GRM5: variants seen among roughly 807,000 people sequenced by gnomAD.
GRM5 encodes the protein metabotropic glutamate receptor 5.
In GRM5, 19 loss-of-function variants were observed where a neutral mutation model predicts 83.1. That is an observed-to-expected ratio of 0.23 (90% CI 0.16 to 0.34). The LOEUF (loss-of-function observed/expected upper bound fraction) is 0.34. Ranked by LOEUF, GRM5 falls within the 10% of genes least tolerant of loss-of-function variation. The pLI, the probability that GRM5 is intolerant of heterozygous loss-of-function variation, is 1.00. For missense variants in GRM5, 1,160 were observed against 1,588.3 expected, an observed-to-expected ratio of 0.73 and a Z score of 4.58; for synonymous variants, 675 against 633.6, an observed-to-expected ratio of 1.07 and a Z score of -0.98.
At chr11:88,800,200 AG>A (rs1212523816) in intron 3 of GRM5, among the ~76,000 whole-genome samples, 1 of 152,172 alleles carries the variant, frequency 6.6e-6, no homozygotes, top group East Asian at 1.9e-4. Flanking sequence ...GCTTAAAAGG[AG>A]GGCAAATTGC....
At chr11:88,863,805 C>T (rs531729797) in intron 2 of GRM5, among the ~76,000 whole-genome samples, 4 of 151,768 alleles carry the variant, frequency 2.6e-5, no homozygotes, top group African/African-American at 7.3e-5. Flanking sequence ...TTTAACATTT[C>T]TCTTACAATT....
intron 2 of GRM5, among the ~76,000 whole-genome samples, chr11:89,012,168 A>G (rs1940719398): frequency 6.6e-6 from 1 of 151,894 alleles, no homozygotes; most frequent in African/African-American, 2.4e-5. Flanking sequence ...GAAGCAGAAA[A>G]TCGACAATCA....
intron 2 of GRM5, among the ~76,000 whole-genome samples, chr11:88,892,920 A>G (rs1382542599): frequency 6.6e-6 from 1 of 151,998 alleles, no homozygotes; most frequent in Non-Finnish European, 1.5e-5. Flanking sequence ...TAAAGCCAAG[A>G]AACTTCATAG....
chr11:88,873,295 C>T (rs924769227), intron 2 of GRM5, among the ~76,000 whole-genome samples: 1 of 151,606 alleles, frequency 6.6e-6, no homozygotes, highest in Non-Finnish European at 1.5e-5. Flanking sequence ...TAGCAATAGA[C>T]AGATCATCCA....
chr11:88,625,242 C>A (rs143466619), intron 4 of GRM5, among the ~76,000 whole-genome samples: 1,623 of 152,170 alleles, frequency 0.011, 31 homozygotes, highest in African/African-American at 0.036. Flanking sequence ...GAACAGGGAA[C>A]AAAATGGCCA....
chr11:88,977,920 A>T (rs2135017340), intron 2 of GRM5, among the ~76,000 whole-genome samples: 1 of 152,368 alleles, frequency 6.6e-6, no homozygotes, highest in East Asian at 1.9e-4. Flanking sequence ...CTCCCTTGTC[A>T]ACACATACAA....
intron 7 of GRM5, among the ~76,000 whole-genome samples, chr11:88,586,898 G>A (rs1245465641): frequency 6.6e-6 from 1 of 152,078 alleles, no homozygotes; most frequent in South Asian, 2.1e-4. Context: ...GCCCCACACT[G>A]TCTATATAGG....
chr11:88,984,271 A>G (rs1939618274), intron 2 of GRM5, among the ~76,000 whole-genome samples: 1 of 152,058 alleles, frequency 6.6e-6, no homozygotes, highest in African/African-American at 2.4e-5. Flanking sequence ...CGGGTGTACC[A>G]TTTTTTATCT....
At chr11:88,849,535 T>C (rs1944354098) in intron 3 of GRM5, among the ~76,000 whole-genome samples, 1 of 152,220 alleles carries the variant, frequency 6.6e-6, no homozygotes, top group African/African-American at 2.4e-5. Context: ...GATTCAACAT[T>C]ATAAACCAAG....
chr11:88,619,433 T>C (rs1398817787), intron 4 of GRM5, among the ~76,000 whole-genome samples: 1 of 152,192 alleles, frequency 6.6e-6, no homozygotes, highest in Non-Finnish European at 1.5e-5. Flanking sequence ...CTCCATATTC[T>C]CACATGGCAA....
chr11:88,524,176 C>A (rs1565323711), intron 9 of GRM5: 1 of 130,564 alleles, frequency 7.7e-6, no homozygotes, highest in Non-Finnish European at 1.7e-5. Flanking sequence ...GGGCCCTTTT[C>A]TTTTCTTTTT....
intron 6 of GRM5, among the ~76,000 whole-genome samples, chr11:88,594,015 G>C (rs932385618): frequency 2.0e-5 from 3 of 151,896 alleles, no homozygotes; most frequent in African/African-American, 4.8e-5. Flanking sequence ...AGATGGTCTC[G>C]ATCTCCTGAC....
intron 3 of GRM5, among the ~76,000 whole-genome samples, chr11:88,697,421 C>A (rs1940929714): frequency 6.6e-6 from 1 of 152,280 alleles, no homozygotes; most frequent in South Asian, 2.1e-4. Flanking sequence ...TAGTGCTCTG[C>A]AAGTGCTCAC....
At chr11:88,715,883 G>C (rs906222805) in intron 3 of GRM5, among the ~76,000 whole-genome samples, 1 of 151,876 alleles carries the variant, frequency 6.6e-6, no homozygotes, top group Admixed American at 6.6e-5. Context: ...TGAAAGAACC[G>C]AATTAGACTA....
At chr11:88,779,468 C>G (rs1379520026) in intron 3 of GRM5, among the ~76,000 whole-genome samples, 2 of 152,174 alleles carry the variant, frequency 1.3e-5, no homozygotes, top group Non-Finnish European at 2.9e-5. Flanking sequence ...ACCGTCGAGT[C>G]TAGATAAGTG....
chr11:88,936,315 GTAT>G (rs1937892921), intron 2 of GRM5, among the ~76,000 whole-genome samples: 1 of 151,894 alleles, frequency 6.6e-6, no homozygotes, highest in Non-Finnish European at 1.5e-5. Context: ...TGTATGGTGA[GTAT>G]TATTATTAGC....
chr11:88,865,598 G>T (rs1432161459), intron 2 of GRM5, among the ~76,000 whole-genome samples: 2 of 151,868 alleles, frequency 1.3e-5, no homozygotes, highest in East Asian at 1.9e-4. Context: ...CACAGCAAAA[G>T]AAATTAGCAT....
At chr11:88,536,888 C>T (rs184374919) in intron 8 of GRM5, among the ~76,000 whole-genome samples, 4 of 152,256 alleles carry the variant, frequency 2.6e-5, no homozygotes, top group South Asian at 4.2e-4. Flanking sequence ...ATAGCATTCA[C>T]ATTATTATAG....
At chr11:89,050,319 C>T (rs1368138746) in intron 1 of GRM5, among the ~76,000 whole-genome samples, 2 of 152,186 alleles carry the variant, frequency 1.3e-5, no homozygotes, top group Non-Finnish European at 2.9e-5. Flanking sequence ...CATGCCCCAT[C>T]TATTCATTAA....
Sources: gnomAD v4.1 joint callset for allele counts (sites outside exome capture counted in the v4.1 genomes callset) on GRCh38, gnomAD v4.1.1 for gene constraint, MANE v1.5 for transcripts, NCBI Gene and HGNC (gene_info 2026-07-23, HGNC 2026-07-21) for gene names.